The following PLCL1 variants were observed in gnomAD, a reference collection of about 807,000 sequenced individuals.
The protein encoded by PLCL1 is phospholipase C like 1 (inactive), also known as inactive phospholipase C-like protein 1.
A neutral mutation model predicts 84.4 loss-of-function variants in PLCL1; 41 were observed. That is an observed-to-expected ratio of 0.49 (90% CI 0.38 to 0.63). PLCL1 has a LOEUF of 0.63. PLCL1 is among the 30% of genes least tolerant of loss of function. The pLI is 0.00. For missense variants in PLCL1, 1,206 were observed against 1,367.8 expected, an observed-to-expected ratio of 0.88 and a Z score of 1.87; for synonymous variants, 490 against 488.3, an observed-to-expected ratio of 1.00 and a Z score of -0.05.
chr2:197,907,339 A>G (rs1688406538), intron 1 of PLCL1, among the ~76,000 whole-genome samples: 1 of 152,040 alleles, frequency 6.6e-6, no homozygotes, highest in Non-Finnish European at 1.5e-5. Context: ...TCTGTATTCA[A>G]GCCATTCTCC....
intron 5 of PLCL1, among the ~76,000 whole-genome samples, chr2:198,138,208 C>T (rs1283115836): frequency 2.6e-5 from 4 of 152,090 alleles, no homozygotes; most frequent in East Asian, 1.9e-4. Flanking sequence ...CAGTCCTTCA[C>T]GCTGTACAGG....
At chr2:197,971,530 C>T (rs547170287) in intron 1 of PLCL1, among the ~76,000 whole-genome samples, 17 of 152,164 alleles carry the variant, frequency 1.1e-4, no homozygotes, top group Admixed American at 2.6e-4. Flanking sequence ...GGCTAAGGAG[C>T]GGCAGGGGAG....
chr2:198,029,476 A>G (rs972341842), intron 1 of PLCL1, among the ~76,000 whole-genome samples: 2 of 152,140 alleles, frequency 1.3e-5, no homozygotes, highest in South Asian at 4.1e-4. Context: ...TGAGGCAGGC[A>G]CTTTTGTGTA....
At chr2:198,094,207 A>G (rs568173001) in intron 3 of PLCL1, among the ~76,000 whole-genome samples, 2 of 152,012 alleles carry the variant, frequency 1.3e-5, no homozygotes, top group East Asian at 3.9e-4. Flanking sequence ...GACAACAAAC[A>G]CCCACCACCA....
intron 1 of PLCL1, among the ~76,000 whole-genome samples, chr2:197,846,623 G>A (rs905714643): frequency 5.3e-5 from 8 of 152,220 alleles, no homozygotes; most frequent in African/African-American, 1.9e-4. Flanking sequence ...TCAAGAAGCT[G>A]ACAAATATGG....
At chr2:197,953,934 T>C (rs922218032) in intron 1 of PLCL1, among the ~76,000 whole-genome samples, 3 of 152,018 alleles carry the variant, frequency 2.0e-5, no homozygotes, top group African/African-American at 7.2e-5. Flanking sequence ...AATCTGCATG[T>C]ATTTTTACTG....
chr2:197,992,547 A>G (rs1690367147), intron 1 of PLCL1, among the ~76,000 whole-genome samples: 1 of 152,172 alleles, frequency 6.6e-6, no homozygotes, highest in South Asian at 2.1e-4. Context: ...TACATGCATG[A>G]GCCACCATGC....
chr2:197,994,655 C>T (rs1451630105), intron 1 of PLCL1, among the ~76,000 whole-genome samples: 2 of 152,126 alleles, frequency 1.3e-5, no homozygotes, highest in South Asian at 4.1e-4. Context: ...AATATTTCAA[C>T]ATTTGGTAAG....
chr2:197,999,881 G>A (rs972719885), intron 1 of PLCL1, among the ~76,000 whole-genome samples: 1 of 152,120 alleles, frequency 6.6e-6, no homozygotes, highest in Non-Finnish European at 1.5e-5. Flanking sequence ...GAATGTGTGA[G>A]TTTGAGGAAA....
At chr2:198,133,359 C>A (rs1415184248) in intron 5 of PLCL1, among the ~76,000 whole-genome samples, 22 of 125,256 alleles carry the variant, frequency 1.8e-4, no homozygotes, top group Non-Finnish European at 3.1e-4. Context: ...GGGAATACCA[C>A]ACTCTGGGGA....
chr2:198,014,822 C>T (rs916649515), intron 1 of PLCL1, among the ~76,000 whole-genome samples: 7 of 152,058 alleles, frequency 4.6e-5, no homozygotes, highest in African/African-American at 1.7e-4. Context: ...TTTTTGATCT[C>T]TAGGGGGTGT....
intron 1 of PLCL1, among the ~76,000 whole-genome samples, chr2:197,918,969 C>CTCTCTCTCTCTCTCTCTCTCTCT (rs1369678298): frequency 6.8e-6 from 1 of 146,864 alleles, no homozygotes; most frequent in Non-Finnish European, 1.5e-5. Flanking sequence ...TCTCTCTCTC[C>CTCTCTCTCTCTCTCTCTCTCTCT]CTCACACACA....
intron 1 of PLCL1, among the ~76,000 whole-genome samples, chr2:197,969,538 C>G (rs1314514430): frequency 6.6e-6 from 1 of 152,194 alleles, no homozygotes; most frequent in East Asian, 1.9e-4. Flanking sequence ...TTCATCACCT[C>G]CATCCTGTGT....
chr2:198,016,472 C>T (rs1376428771), intron 1 of PLCL1, among the ~76,000 whole-genome samples: 1 of 152,210 alleles, frequency 6.6e-6, no homozygotes, highest in Non-Finnish European at 1.5e-5. Context: ...ACTGTAAGCA[C>T]AGTGGCTGCA....
intron 1 of PLCL1, among the ~76,000 whole-genome samples, chr2:198,034,331 T>C (rs1218040175): frequency 1.3e-5 from 2 of 152,332 alleles, no homozygotes; most frequent in African/African-American, 4.8e-5. Flanking sequence ...AACTCAGGGA[T>C]CTAGAACTAG....
chr2:198,061,302 C>T (rs913198370), intron 1 of PLCL1, among the ~76,000 whole-genome samples: 9 of 152,066 alleles, frequency 5.9e-5, no homozygotes, highest in Non-Finnish European at 8.8e-5. Flanking sequence ...TATATCTTAC[C>T]GATACAATTT....
chr2:198,067,221 G>T lies in PLCL1; in HGVS notation c.241-16537G>T, dbSNP rs141967677. Among the ~76,000 whole-genome samples the T allele has an allele frequency of 2.0e-5, 3 of 149,640 alleles. No homozygotes were observed. The South Asian group carries it at 6.4e-4, about 32-fold the overall frequency. Reference sequence around the variant, plus strand: ...TCGGCTCACTGCAACCTCCCCTCCCGGATTCAAGTGATTCTCCTGCCTCAG... The same window carrying T: ...TCGGCTCACTGCAACCTCCCCTCCCTGATTCAAGTGATTCTCCTGCCTCAG... On this transcript the variant is annotated intron_variant, in intron 1 of 5. Transcript: ENST00000428675.
In PLCL1 at chr2:198,084,053, G is replaced by T. The variant is rs779361329; in HGVS notation, c.536G>T (p.Gly179Val). The stretch of plus-strand genomic sequence containing the variant: ...AACACGGAAACATTTAGAAACAATG[G>T]CCTTGCTGACCAGATCTGTGAGGAC... ...GKNTETFRNN[G>V]LADQICEDCA... The change falls in exon 2 of 6, where the codon GGC (glycine) becomes GTC (valine). Residue 179 changes from glycine to valine, a missense_variant. Transcript: ENST00000428675. The T allele has an allele frequency of 1.9e-6, 3 of 1,614,158 alleles. No individual in the cohort carries two copies. The Admixed American group carries it at 5.0e-5, about 27-fold the overall frequency.
chr2:198,081,734 A>T (rs1692718916), intron 1 of PLCL1, among the ~76,000 whole-genome samples: 1 of 152,196 alleles, frequency 6.6e-6, no homozygotes, highest in South Asian at 2.1e-4. Flanking sequence ...TCATAACTAA[A>T]GCAAATTTTG....
Sources: allele counts gnomAD v4.1 joint callset (sites outside exome capture counted in the v4.1 genomes callset), GRCh38; gene constraint gnomAD v4.1.1; transcripts MANE v1.5; gene names NCBI Gene and HGNC (gene_info 2026-07-23, HGNC 2026-07-21).